ARL13B: variants seen among roughly 807,000 people sequenced by gnomAD.
ARL13B encodes ADP-ribosylation factor-like protein 13B.
In ARL13B, 36 loss-of-function variants were observed where a neutral mutation model predicts 56.1. The observed-to-expected ratio is 0.64, with a 90% CI of 0.49 to 0.85. ARL13B has a LOEUF of 0.85. Among genes scored for constraint, ARL13B ranks in the 40% least tolerant of loss-of-function variants. ARL13B has a pLI of 0.00. For missense variants in ARL13B, 519 were observed against 507.1 expected, an observed-to-expected ratio of 1.02 and a Z score of -0.23; for synonymous variants, 178 against 171.1, an observed-to-expected ratio of 1.04 and a Z score of -0.32.
chr3:94,026,589 A>C (rs1008066215), intron 3 of ARL13B, among the ~76,000 whole-genome samples: 1 of 152,206 alleles, frequency 6.6e-6, no homozygotes, highest in African/African-American at 2.4e-5. Context: ...AAATGAGACA[A>C]ATAAGCATGT....
intron 6 of ARL13B, among the ~76,000 whole-genome samples, chr3:94,042,002 A>G (rs977912867): frequency 1.3e-5 from 2 of 152,208 alleles, no homozygotes; most frequent in African/African-American, 4.8e-5. Flanking sequence ...GGTTGCAGTG[A>G]GCCGAGATCG....
intron 5 of ARL13B, among the ~76,000 whole-genome samples, chr3:94,039,205 A>G: frequency 6.6e-6 from 1 of 152,252 alleles, no homozygotes; most frequent in South Asian, 2.1e-4. Context: ...AATTAATAAG[A>G]ATAATTACTA....
rs1324092226 is a variant in ARL13B at position 94,043,249 on chromosome 3, T to A, written c.1024+9T>A. 2.5e-6 allele frequency: 4 copies of A among 1,605,060 alleles called. No homozygotes were observed. The South Asian group carries it at 4.4e-5, about 18-fold the overall frequency. On this transcript the variant is annotated intron_variant, in intron 7 of 9. Transcript: ENST00000394222. ...GCCATCATTGGAATCAGGTAATAAA[T>A]CTAGTTATTTAAAGTAATTATCTTA...
Position 94,043,051 on chromosome 3 carries a change from A to G in ARL13B, c.835A>G (p.Lys279Glu). The change falls in exon 7 of 10, where the codon AAA becomes GAA. Residue 279 changes from lysine to glutamate, a missense_variant. Lys to Glu is a moderately conservative substitution (Grantham distance 56). Transcript: ENST00000394222. ...GKLEREKKNQ[K>E]MEKDSDGCHL... ...ACTTGAAAGAGAGAAAAAAAACCAA[A>G]AAATGGAGAAAGACAGTGATGGCTG... 1 of 1,611,308 alleles carries G rather than the reference A, an allele frequency of 6.2e-7. No homozygotes were observed. The highest frequency in any genetic ancestry group is 8.5e-7 in the Non-Finnish European group (1 of 1,179,356).
intron 2 of ARL13B, among the ~76,000 whole-genome samples, chr3:94,002,580 A>G (rs1441912622): frequency 6.6e-6 from 1 of 152,126 alleles, no homozygotes; most frequent in Non-Finnish European, 1.5e-5. Context: ...TAAAGTTTGA[A>G]CTTTTCTCTG....
intron 2 of ARL13B, among the ~76,000 whole-genome samples, chr3:93,999,947 G>C (rs1418548087): frequency 2.0e-5 from 3 of 152,152 alleles, no homozygotes; most frequent in Admixed American, 2.0e-4. Context: ...GCCATCCCCA[G>C]TGTTCTCCCT....
At chr3:94,044,180 T>A (rs1050284232) in intron 7 of ARL13B, among the ~76,000 whole-genome samples, 10 of 151,262 alleles carry the variant, frequency 6.6e-5, no homozygotes, top group Admixed American at 6.6e-4. Flanking sequence ...GGAGCGCCTC[T>A]GCCTGGCTGC....
chr3:94,004,259 C>G (rs949292503), intron 3 of ARL13B, among the ~76,000 whole-genome samples: 4 of 151,922 alleles, frequency 2.6e-5, no homozygotes, highest in African/African-American at 7.3e-5. Context: ...TTGTATTTTG[C>G]TTTTGTCCTT....
chr3:93,994,807 T>A (rs2075937615), intron 1 of ARL13B, among the ~76,000 whole-genome samples: 1 of 152,152 alleles, frequency 6.6e-6, no homozygotes, highest in East Asian at 1.9e-4. Flanking sequence ...TGATTTTTTT[T>A]TTTTTGTAAA....
chr3:94,031,936 A>G (rs972461895), intron 3 of ARL13B, among the ~76,000 whole-genome samples: 1 of 152,222 alleles, frequency 6.6e-6, no homozygotes, highest in African/African-American at 2.4e-5. Context: ...CTCAGGGTGC[A>G]TTAAAGACTT....
At chr3:94,043,292 C>T in intron 7 of ARL13B, 52 bp downstream of exon 7, 1 of 1,435,358 alleles carries the variant, frequency 7.0e-7, no homozygotes, top group South Asian at 1.3e-5. Context: ...ATAAATAAAA[C>T]TTATACTTCA....
At chr3:94,014,337 TA>T in intron 3 of ARL13B, 1 of 1,435,680 alleles carries the variant, frequency 7.0e-7, no homozygotes. Context: ...CACTGAAATA[TA>T]AGCTATCTTT....
chr3:94,048,970 A>C (rs1576057775), intron 7 of ARL13B, among the ~76,000 whole-genome samples: 1 of 152,172 alleles, frequency 6.6e-6, no homozygotes, highest in African/African-American at 2.4e-5. Flanking sequence ...TCAAAGGATT[A>C]TATTTGGGCT....
intron 7 of ARL13B, among the ~76,000 whole-genome samples, chr3:94,044,829 C>T (rs1343107056): frequency 2.7e-5 from 4 of 150,572 alleles, no homozygotes; most frequent in African/African-American, 9.8e-5. Context: ...GGGAGCGCCT[C>T]TGCCCGGCCG....
chr3:94,009,011 A>G (rs548879589), intron 3 of ARL13B, among the ~76,000 whole-genome samples: 1 of 152,130 alleles, frequency 6.6e-6, no homozygotes, highest in South Asian at 2.1e-4. Flanking sequence ...TTCCAATTAA[A>G]AAGTTTCTTG....
intron 3 of ARL13B, chr3:94,014,391 T>C: frequency 6.6e-7 from 1 of 1,521,288 alleles, no homozygotes; most frequent in Non-Finnish European, 8.8e-7. Flanking sequence ...TTCTTTATTT[T>C]GAGCTACAGC....
chr3:94,004,839 G>A (rs2076107486), intron 3 of ARL13B, among the ~76,000 whole-genome samples: 1 of 151,902 alleles, frequency 6.6e-6, no homozygotes, highest in African/African-American at 2.4e-5. Flanking sequence ...ATTTGTATAA[G>A]CAATTCTCAT....
intron 7 of ARL13B, among the ~76,000 whole-genome samples, chr3:94,046,659 AG>A (rs1341939322): frequency 6.6e-6 from 1 of 152,168 alleles, no homozygotes; most frequent in Non-Finnish European, 1.5e-5. Context: ...ACAAAAAAAA[AG>A]AATCCTTGGA....
chr3:94,006,586 C>T (rs1458941008), intron 3 of ARL13B, among the ~76,000 whole-genome samples: 1 of 152,098 alleles, frequency 6.6e-6, no homozygotes, highest in South Asian at 2.1e-4. Flanking sequence ...TGCCTGCCCC[C>T]CAAGCTCTCC....
Sources: gnomAD v4.1 joint callset for allele counts (sites outside exome capture counted in the v4.1 genomes callset) on GRCh38, gnomAD v4.1.1 for gene constraint, MANE v1.5 for transcripts, NCBI Gene and HGNC (gene_info 2026-07-23, HGNC 2026-07-21) for gene names.